TRIM46: variants seen among roughly 807,000 people sequenced by gnomAD.
TRIM46 encodes tripartite motif containing 46.
A neutral mutation model predicts 69.7 loss-of-function variants in TRIM46; 17 were observed. The observed-to-expected ratio is 0.24, with a 90% CI of 0.17 to 0.37. The LOEUF is 0.37. Among genes scored for constraint, TRIM46 ranks in the 10% least tolerant of loss-of-function variants. The pLI, the probability that TRIM46 is intolerant of heterozygous loss-of-function variation, is 1.00. For missense variants in TRIM46, 675 were observed against 1,025.1 expected (o/e 0.66, Z 4.66); for synonymous variants, 391 against 429.0 (o/e 0.91, Z 1.09).
At chr1:155,178,289 G>A (rs1418805141) in intron 6 of TRIM46, 34 bp downstream of exon 6, 3 of 1,571,164 alleles carry the variant, frequency 1.9e-6, no homozygotes, top group Middle Eastern at 1.7e-4. Context: ...GGGGGGCAGG[G>A]ACATCATGGA....
chr1:155,175,540 C>G lies in TRIM46; in HGVS notation c.218C>G (p.Pro73Arg). 2 of 1,613,908 alleles carry G rather than the reference C, an allele frequency of 1.2e-6. No homozygotes were observed. Among genetic ancestry groups the G allele is most frequent in the Non-Finnish European group, 1.7e-6 (2 of 1,179,908 alleles). Residue 73 changes from proline (P) to arginine (R), a missense_variant, in exon 2 of 10, where the codon CCC becomes CGC. Around this residue, in one of 5 missense-constraint regions of TRIM46, gnomAD observed 170 missense variants for 255.6 expected, o/e 0.67. Coordinates refer to ENST00000334634, the MANE Select transcript of TRIM46 (RefSeq NM_025058.5). The surrounding 1 kb of genome is among the most constrained non-coding windows in gnomAD (Gnocchi z 4.2). ...GGCTACATAGGACATGGTGGGGACC[C>G]CAGCTCCGAGCCCACCTCTCCTGCC... ...QQGYIGHGGD[P>R]SSEPTSPAST...
At chr1:155,174,706 C>T (rs1333145200) in intron 1 of TRIM46, 4 of 1,445,738 alleles carry the variant, frequency 2.8e-6, no homozygotes, top group Non-Finnish European at 3.6e-6. Flanking sequence ...GGGGAGGGGA[C>T]TTCCGGTGGG....
Position 155,176,162 on chromosome 1 carries a change from C to T in TRIM46, c.600C>T (p.Leu200=), listed in dbSNP as rs370311005. Reference sequence around the variant, plus strand: ...CCTTCTGCAATGAGTGCTTCAAGCTCTTCCACCCCTGGGGCACCCAGAAGG... The same window carrying T: ...CCTTCTGCAATGAGTGCTTCAAGCTTTTCCACCCCTGGGGCACCCAGAAGG... ...RATFCNECFK[L]FHPWGTQKAQ... Residue 200 remains leucine (L), a synonymous_variant, in exon 3 of 10, where the codon CTC becomes CTT. Transcript: ENST00000334634. 1 of 1,613,564 alleles carries T rather than the reference C, an allele frequency of 6.2e-7. No individual in the cohort carries two copies. Among genetic ancestry groups the T allele is most frequent in the Non-Finnish European group, 8.5e-7 (1 of 1,179,996 alleles).
In TRIM46 at chr1:155,178,494, T is replaced by C. The variant is rs1026291227; in HGVS notation, c.1166T>C (p.Ile389Thr). The C allele has an allele frequency of 1.9e-6, 3 of 1,613,732 alleles. No homozygotes were observed. Among genetic ancestry groups the C allele is most frequent in the East Asian group, 2.2e-5 (1 of 44,900 alleles). ...VQAAKQLHNRIARATEALQTF... is the reference protein window; with the variant it reads ...VQAAKQLHNRTARATEALQTF... ...ACCCTTTCTTGCCCCCATCCCAGGATTGCCCGAGCCACTGAAGCCCTCCAG... is the reference window on the plus strand; with the variant it reads ...ACCCTTTCTTGCCCCCATCCCAGGACTGCCCGAGCCACTGAAGCCCTCCAG... The change falls in exon 7 of 10, where the codon ATT becomes ACT. Residue 389 changes from isoleucine (I) to threonine (T), a missense_variant and splice_region_variant. By Grantham distance (89) the Ile-to-Thr change is moderately conservative. This residue lies in a region of TRIM46 where 361 missense variants were observed against 498.3 expected (regional missense o/e 0.72). Coordinates refer to ENST00000334634, the MANE Select transcript of TRIM46 (RefSeq NM_025058.5).
rs1189952393 is a variant in TRIM46, at chr1:155,175,946, C to T, written c.384C>T (p.Phe128=). The T allele has an allele frequency of 6.2e-7, 1 of 1,606,346 alleles. No homozygotes were observed. Among genetic ancestry groups the T allele is most frequent in the Non-Finnish European group, 8.5e-7 (1 of 1,175,044 alleles). The change falls in exon 3 of 10, where the codon TTC becomes TTT. Residue 128 remains phenylalanine (F), a synonymous_variant. Coordinates refer to ENST00000334634, the MANE Select transcript of TRIM46 (RefSeq NM_025058.5). The surrounding 1 kb of genome is among the most constrained non-coding windows in gnomAD (Gnocchi z 4.2). ...RGALHPQVIM[F]PCPACQGDVE... ...CTTTGCACCCCCAAGTGATCATGTT[C>T]CCGTGCCCAGCCTGCCAAGGTGATG...
At chr1:155,176,459 A>G (rs1314852322) in intron 3 of TRIM46, among the ~76,000 whole-genome samples, 1 of 152,216 alleles carries the variant, frequency 6.6e-6, no homozygotes, top group African/African-American at 2.4e-5. Context: ...TGCAATGTCC[A>G]TACCTAAAGG....
At chr1:155,174,840 A>G in intron 1 of TRIM46, 1 of 1,421,502 alleles carries the variant, frequency 7.0e-7, no homozygotes, top group East Asian at 2.7e-5. Context: ...ATGGGTTGGT[A>G]AGACCGATGG....
rs778912457 is a variant in TRIM46 at position 155,178,550 on chromosome 1, C to T, written c.1222C>T (p.Arg408Cys). 6.8e-6 allele frequency: 11 copies of T among 1,614,018 alleles called. No individual in the cohort carries two copies. The highest frequency in any genetic ancestry group is 1.7e-5 in the Admixed American group (1 of 60,002). Residue 408 changes from arginine to cysteine, a missense_variant, in exon 7 of 10, where the codon CGC (arginine) becomes TGC (cysteine). Around this residue, in one of 5 missense-constraint regions of TRIM46, gnomAD observed 361 missense variants for 498.3 expected, o/e 0.72. Transcript: ENST00000334634. Reference sequence around the variant, plus strand: ...CCGGCCAGCTGCCAGCTCCTCCTTCCGCCATTGCCAGCTCGACGTGGGACG... The same window carrying T: ...CCGGCCAGCTGCCAGCTCCTCCTTCTGCCATTGCCAGCTCGACGTGGGACG... Reference protein sequence around the residue: ...TFRPAASSSFRHCQLDVGREM... With the variant: ...TFRPAASSSFCHCQLDVGREM...
At chr1:155,176,824 T>C in intron 3 of TRIM46, 108 bp from the exon 4 acceptor site, 1 of 1,400,636 alleles carries the variant, frequency 7.1e-7, no homozygotes, top group Non-Finnish European at 9.9e-7. Context: ...AGCGGATGTC[T>C]CCACTCCCAT....
chr1:155,178,739 T>TGGGGGCCCCCCCCCCCCCCCCCCC, intron 7 of TRIM46, 126 bp downstream of exon 7: 2 of 1,348,474 alleles, frequency 1.5e-6, no homozygotes, highest in Non-Finnish European at 2.0e-6. Flanking sequence ...CAGCCATTCC[T>TGGGGGCCCCCCCCCCCCCCCCCCC]CCCACCCAGC....
chr1:155,184,281 T>C lies in TRIM46; in HGVS notation c.*91T>C. The C allele has an allele frequency of 7.5e-7, 1 of 1,336,660 alleles. No individual in the cohort carries two copies. The highest frequency in any genetic ancestry group is 1.0e-6 in the Non-Finnish European group (1 of 1,004,132). 82.8% of individuals were successfully genotyped at this position (1,336,660 alleles called of 1,614,324 possible). On this transcript the variant is annotated 3_prime_UTR_variant, in exon 10 of 10. Coordinates refer to ENST00000334634, the MANE Select transcript of TRIM46 (RefSeq NM_025058.5). This position sits in a 1 kb window ranked among gnomAD's most constrained non-coding sequence, Gnocchi z 5.6. ...CCGGTTGTTACCCCCTGGCAGCTTCTCCCCCAAACTCTCCTACCATGTGGC... is the reference window on the plus strand; with the variant it reads ...CCGGTTGTTACCCCCTGGCAGCTTCCCCCCCAAACTCTCCTACCATGTGGC...
At chr1:155,178,890 C>T in intron 7 of TRIM46, 2 of 1,350,396 alleles carry the variant, frequency 1.5e-6, no homozygotes, top group South Asian at 2.5e-5. Flanking sequence ...CGCCGCCGGG[C>T]CCCCTTCCCA....
chr1:155,175,346 A>G lies in TRIM46; in HGVS notation c.64-40A>G. On this transcript the variant is annotated intron_variant, in intron 1 of 9. Coordinates refer to ENST00000334634, the MANE Select transcript of TRIM46 (RefSeq NM_025058.5). The surrounding 1 kb of genome is among the most constrained non-coding windows in gnomAD (Gnocchi z 4.2). Reference sequence around the variant, plus strand: ...CCAAGGGGCTGCTGAGGTATGCCTAAGTGTCCAAGCGCTGACCTAGCCTCC... The same window carrying G: ...CCAAGGGGCTGCTGAGGTATGCCTAGGTGTCCAAGCGCTGACCTAGCCTCC... 7 of 1,609,388 alleles carry G rather than the reference A, an allele frequency of 4.3e-6. No homozygotes were observed. Among genetic ancestry groups the G allele is most frequent in the Non-Finnish European group, 5.9e-6 (7 of 1,178,442 alleles).
Position 155,175,762 on chromosome 1 carries a change from C to A in TRIM46, c.325+115C>A. The A allele has an allele frequency of 1.3e-6, 2 of 1,587,330 alleles. No homozygotes were observed. Among genetic ancestry groups the A allele is most frequent in the Non-Finnish European group, 1.7e-6 (2 of 1,160,540 alleles). On this transcript the variant is annotated intron_variant, in intron 2 of 9. Transcript: ENST00000334634. This position sits in a 1 kb window ranked among gnomAD's most constrained non-coding sequence, Gnocchi z 4.2. ...TCTGTCTTTCTGGGGGGTGGAGATA[C>A]TGCTTACGCAGGCTCTAATGAGAGC...
Position 155,175,534 on chromosome 1 carries a change from G to T in TRIM46, c.212G>T (p.Gly71Val). 6.2e-7 allele frequency: 1 copy of T among 1,614,004 alleles called. No individual in the cohort carries two copies. The stretch of plus-strand genomic sequence containing the variant: ...CAGCAGGGCTACATAGGACATGGTG[G>T]GGACCCCAGCTCCGAGCCCACCTCT... The part of the protein sequence containing the change: ...LGQQGYIGHG[G>V]DPSSEPTSPA... The change falls in exon 2 of 10, where the codon GGG (glycine) becomes GTG (valine). Residue 71 changes from glycine (G) to valine (V), a missense_variant. Gly to Val is a moderately radical substitution (Grantham distance 109, BLOSUM62 -3). Around this residue, in one of 5 missense-constraint regions of TRIM46, gnomAD observed 170 missense variants for 255.6 expected, o/e 0.67. Transcript: ENST00000334634. The surrounding 1 kb of genome is among the most constrained non-coding windows in gnomAD (Gnocchi z 4.2).
chr1:155,183,678 C>T, intron 9 of TRIM46, 119 bp from the exon 10 acceptor site: 1 of 1,382,160 alleles, frequency 7.2e-7, no homozygotes, highest in Non-Finnish European at 9.9e-7. Flanking sequence ...TCTCAACACC[C>T]AAAATCCATC....
intron 8 of TRIM46, 64 bp downstream of exon 8, chr1:155,179,998 C>A: frequency 6.7e-7 from 1 of 1,496,004 alleles, no homozygotes; most frequent in Non-Finnish European, 8.9e-7. Context: ...TAGGCCCTGA[C>A]GGTTGGTTCC....
chr1:155,178,886 C>T (rs909731082), intron 7 of TRIM46: 18 of 1,381,250 alleles, frequency 1.3e-5, no homozygotes, highest in Middle Eastern at 2.1e-4. Flanking sequence ...TGCCCGCCGC[C>T]GGGCCCCCTT....
At chr1:155,179,959 G>C in intron 8 of TRIM46, 25 bp downstream of exon 8, 3 of 1,555,406 alleles carry the variant, frequency 1.9e-6, no homozygotes, top group Non-Finnish European at 2.6e-6. Context: ...ACAGGTGGTC[G>C]TGCAAAGGGC....
Sources: gnomAD v4.1 joint callset for allele counts (sites outside exome capture counted in the v4.1 genomes callset) on GRCh38, gnomAD v4.1.1 for gene constraint, gnomAD v4.1.1 regional missense constraint, Gnocchi (gnomAD v3.1) non-coding constraint, MANE v1.5 for transcripts, NCBI Gene and HGNC (gene_info 2026-07-23, HGNC 2026-07-21) for gene names.